The following STRN variants were observed in gnomAD, a reference collection of about 807,000 sequenced individuals.
STRN encodes the protein striatin.
A neutral mutation model predicts 96.3 loss-of-function variants in STRN; 53 were observed. The ratio of observed to expected loss-of-function variants is 0.55; its 90% CI spans 0.44 to 0.69. The LOEUF is 0.69. Among genes scored for constraint, STRN ranks in the 30% least tolerant of loss-of-function variants. The pLI is 0.00. For missense variants in STRN, 987 were observed against 963.9 expected (o/e 1.02, Z -0.32); for synonymous variants, 428 against 355.9 (o/e 1.20, Z -2.28).
chr2:36,922,164 G>A (rs2148226856), intron 2 of STRN, among the ~76,000 whole-genome samples: 1 of 152,180 alleles, frequency 6.6e-6, no homozygotes, highest in South Asian at 2.1e-4. Context: ...TTTTCAATTG[G>A]TGAATCTGGG....
At chr2:36,903,101 G>GT (rs1302430462) in intron 4 of STRN, among the ~76,000 whole-genome samples, 1 of 152,152 alleles carries the variant, frequency 6.6e-6, no homozygotes, top group South Asian at 2.1e-4. Context: ...TATTCCGGTA[G>GT]TTTTTTTAAA....
chr2:36,954,522 A>T (rs866903938), intron 1 of STRN, among the ~76,000 whole-genome samples: 1 of 142,262 alleles, frequency 7.0e-6, no homozygotes, highest in African/African-American at 2.5e-5. Context: ...AAACAGGGGA[A>T]AAAAAAAAAA....
rs534024212 is a variant in STRN at position 36,842,705 on chromosome 2, C to T, written c.*6751G>A. On this transcript the variant is annotated 3_prime_UTR_variant, in exon 18 of 18. Coordinates refer to ENST00000263918, the MANE Select transcript of STRN (RefSeq NM_003162.4). ...GTAGGGTTTGAGTGATACTTAGAAG[C>T]GAGTCATTTTATGTTTGGTGGGTTT... Among the ~76,000 whole-genome samples the T allele has an allele frequency of 5.3e-5, 8 of 151,614 alleles. No homozygotes were observed. Among genetic ancestry groups the T allele is most frequent in the African/African-American group, 1.2e-4 (5 of 41,062 alleles).
chr2:36,888,065 AC>A (rs1669286155), intron 7 of STRN, among the ~76,000 whole-genome samples: 1 of 152,186 alleles, frequency 6.6e-6, no homozygotes, highest in Non-Finnish European at 1.5e-5. Context: ...TTATTTGATG[AC>A]AATTCCATAC....
intron 1 of STRN, among the ~76,000 whole-genome samples, chr2:36,947,554 T>TAA (rs1223289023): frequency 6.7e-6 from 1 of 148,302 alleles, no homozygotes; most frequent in Non-Finnish European, 1.5e-5. Context: ...AACATATATA[T>TAA]TATTTACATA....
chr2:36,852,352 T>C (rs752408848), intron 15 of STRN, among the ~76,000 whole-genome samples: 1 of 152,190 alleles, frequency 6.6e-6, no homozygotes, highest in Non-Finnish European at 1.5e-5. Flanking sequence ...TTGTAAAATA[T>C]ATTACTGGAA....
chr2:36,933,087 T>C (rs74406731), intron 1 of STRN, among the ~76,000 whole-genome samples: 3,224 of 128,198 alleles, frequency 0.025, 101 homozygotes, highest in African/African-American at 0.079. Flanking sequence ...CACACACACA[T>C]ATATATGCAG....
At chr2:36,939,105 C>G (rs1456229364) in intron 1 of STRN, among the ~76,000 whole-genome samples, 1 of 152,034 alleles carries the variant, frequency 6.6e-6, no homozygotes, top group Non-Finnish European at 1.5e-5. Flanking sequence ...CCTGCCTCAG[C>G]CTCCCGAGTA....
At chr2:36,852,469 T>C (rs1222061039) in intron 15 of STRN, among the ~76,000 whole-genome samples, 2 of 152,160 alleles carry the variant, frequency 1.3e-5, no homozygotes, top group African/African-American at 2.4e-5. Context: ...AGAATGCCCT[T>C]GATCTTAGAA....
chr2:36,919,588 G>A (rs1489526884), intron 2 of STRN, among the ~76,000 whole-genome samples: 2 of 152,150 alleles, frequency 1.3e-5, no homozygotes, highest in Non-Finnish European at 2.9e-5. Flanking sequence ...GCCTGGCTGT[G>A]AAGAACTTTA....
chr2:36,966,101 C>T lies in STRN; in HGVS notation c.234+129G>A, dbSNP rs1665152345. On this transcript the variant is annotated intron_variant, in intron 1 of 17. Transcript: ENST00000263918. The stretch of plus-strand genomic sequence containing the variant: ...CGAAGAGAAGAAGGGGACGGGGCTC[C>T]GGGTGGGATGGGCGGCAGCAAAGGG... 3 of 994,348 alleles carry T rather than the reference C, an allele frequency of 3.0e-6. No individual in the cohort carries two copies. The African/African-American group carries it at 9.8e-5, about 33-fold the overall frequency. 61.6% of individuals were successfully genotyped at this position (994,348 alleles called of 1,614,324 possible).
At chr2:36,850,840 G>A (rs963685319) in intron 16 of STRN, among the ~76,000 whole-genome samples, 160 bp downstream of exon 16, 1 of 152,100 alleles carries the variant, frequency 6.6e-6, no homozygotes, top group African/African-American at 2.4e-5. Flanking sequence ...AGTCTTAGCA[G>A]ATTTGGATAG....
intron 1 of STRN, among the ~76,000 whole-genome samples, chr2:36,963,842 A>G (rs1440216783): frequency 2.0e-5 from 3 of 151,962 alleles, no homozygotes; most frequent in Non-Finnish European, 4.4e-5. Context: ...CTGTAATCCC[A>G]GCTACTTGGG....
chr2:36,958,840 G>A (rs970959630), intron 1 of STRN, among the ~76,000 whole-genome samples: 1 of 152,194 alleles, frequency 6.6e-6, no homozygotes, highest in Non-Finnish European at 1.5e-5. Context: ...AGAAATATAG[G>A]CTGGGTGTGG....
rs1305262284 is a variant in STRN, at chr2:36,844,228, AG to A, written c.*5227del. On this transcript the variant is annotated 3_prime_UTR_variant, in exon 18 of 18. Coordinates refer to ENST00000263918, the MANE Select transcript of STRN (RefSeq NM_003162.4). The stretch of plus-strand genomic sequence containing the variant: ...GGAAAAAAAGTGTGTGGAGAAGGGG[AG>A]TTGTATTGTTTTCTCACAAGAGGCA... 5 of 152,152 alleles carry A rather than the reference AG, an allele frequency of 3.3e-5. No individual in the cohort carries two copies. Among genetic ancestry groups the A allele is most frequent in the Non-Finnish European group, 7.4e-5 (5 of 68,026 alleles). 9.4% of individuals were successfully genotyped at this position (152,152 alleles called of 1,614,324 possible).
intron 5 of STRN, among the ~76,000 whole-genome samples, 155 bp downstream of exon 5, chr2:36,902,429 C>T (rs1669710723): frequency 6.6e-6 from 1 of 151,708 alleles, no homozygotes; most frequent in African/African-American, 2.4e-5. Context: ...AACTCCAATC[C>T]TTGTTACCTT....
At chr2:36,965,516 T>C (rs1196738260) in intron 1 of STRN, among the ~76,000 whole-genome samples, 3 of 152,156 alleles carry the variant, frequency 2.0e-5, no homozygotes, top group Non-Finnish European at 4.4e-5. Flanking sequence ...AACATAAAAT[T>C]AACCCTTGGG....
chr2:36,864,567 T>C (rs74358599), intron 12 of STRN, among the ~76,000 whole-genome samples: 1 of 152,180 alleles, frequency 6.6e-6, no homozygotes, highest in East Asian at 1.9e-4. Flanking sequence ...TAGTAATTGG[T>C]TGAAGATTTT....
intron 1 of STRN, among the ~76,000 whole-genome samples, chr2:36,933,104 C>G (rs1043785786): frequency 2.0e-5 from 3 of 150,476 alleles, no homozygotes; most frequent in African/African-American, 7.3e-5. Flanking sequence ...GCAGTTAGCC[C>G]TTCATATCCA....
Sources: gnomAD v4.1 joint callset for allele counts (sites outside exome capture counted in the v4.1 genomes callset) on GRCh38, gnomAD v4.1.1 for gene constraint, MANE v1.5 for transcripts, NCBI Gene and HGNC (gene_info 2026-07-23, HGNC 2026-07-21) for gene names.